USP47: variants seen among roughly 807,000 people sequenced by gnomAD.
USP47 encodes ubiquitin carboxyl-terminal hydrolase 47.
Under a neutral mutation model 165.1 loss-of-function variants are expected in USP47, and 35 were observed. That is an observed-to-expected ratio of 0.21 (90% CI 0.16 to 0.28). The LOEUF is 0.28. USP47 is among the 10% of genes least tolerant of loss of function. The pLI is 1.00. For synonymous variants in USP47, 531 were observed against 544.5 expected, an observed-to-expected ratio of 0.98 and a Z score of 0.35; for missense variants, 1,277 against 1,607.4, an observed-to-expected ratio of 0.79 and a Z score of 3.52.
At chr11:11,896,148 A>C (rs7924430) in intron 4 of USP47, among the ~76,000 whole-genome samples, 5,320 of 152,310 alleles carry the variant, frequency 0.035, 301 homozygotes, top group African/African-American at 0.12. Flanking sequence ...AAAAGATCAT[A>C]GAGTCATATG....
At chr11:11,850,346 G>T (rs1848653984) in intron 1 of USP47, among the ~76,000 whole-genome samples, 1 of 144,280 alleles carries the variant, frequency 6.9e-6, no homozygotes. Context: ...TCTCAACTTT[G>T]TCTTCCAGTT....
intron 8 of USP47, among the ~76,000 whole-genome samples, chr11:11,919,187 T>C (rs1853645476): frequency 1.3e-5 from 2 of 151,996 alleles, no homozygotes; most frequent in African/African-American, 4.8e-5. Context: ...AGTAGTTTTC[T>C]AAGCTTTGCC....
chr11:11,912,730 G>A (rs1034914804), intron 8 of USP47, among the ~76,000 whole-genome samples: 1 of 151,980 alleles, frequency 6.6e-6, no homozygotes, highest in African/African-American at 2.4e-5. Flanking sequence ...AAAAAAAACA[G>A]TATCCCTTAT....
At chr11:11,951,492 G>A (rs1388511043) in intron 24 of USP47, 2 of 152,164 alleles carry the variant, frequency 1.3e-5, no homozygotes, top group African/African-American at 2.4e-5. Context: ...GGTGTTTGGA[G>A]GGAGGCTTAT....
rs907016381 is a variant in USP47 at position 11,960,881 on chromosome 11, C to T, written c.*4706C>T. On this transcript the variant is annotated 3_prime_UTR_variant, in exon 28 of 28. Coordinates refer to ENST00000527733, the MANE Select transcript of USP47 (RefSeq NM_001282659.2). ...GCCTTTTTTCTCTTCCTGTCTTTGT[C>T]CCTCACACTACAGCAGGCCCCTCCC... Among the ~76,000 whole-genome samples the T allele has an allele frequency of 6.6e-6, 1 of 152,160 alleles. No homozygotes were observed. The highest frequency in any genetic ancestry group is 2.4e-5 in the African/African-American group (1 of 41,434).
At chr11:11,898,029 T>G (rs952153482) in intron 5 of USP47, among the ~76,000 whole-genome samples, 2 of 152,058 alleles carry the variant, frequency 1.3e-5, no homozygotes, top group African/African-American at 2.4e-5. Flanking sequence ...AAATCCATAC[T>G]CTCCTTCCAC....
chr11:11,866,400 A>T (rs1289979874), intron 1 of USP47, among the ~76,000 whole-genome samples: 1 of 152,196 alleles, frequency 6.6e-6, no homozygotes, highest in East Asian at 1.9e-4. Context: ...CATATCAGAT[A>T]AGCAAAGTCT....
At chr11:11,888,222 A>G (rs1324932213) in intron 3 of USP47, among the ~76,000 whole-genome samples, 2 of 152,100 alleles carry the variant, frequency 1.3e-5, no homozygotes, top group Non-Finnish European at 2.9e-5. Flanking sequence ...TCAGCACAGA[A>G]ATGAAGGAGA....
At chr11:11,943,388 A>T (rs750885942) in intron 20 of USP47, 1 of 221,244 alleles carries the variant, frequency 4.5e-6, no homozygotes, top group Middle Eastern at 1.5e-3. Flanking sequence ...AAAATTAGGG[A>T]ATATATTAAA....
At position 11,936,390 on chromosome 11, in the gene USP47, GA is replaced by G; in HGVS notation, c.1959del (p.Gly654GlufsTer11). 6.2e-7 allele frequency: 1 copy of G among 1,610,568 alleles called. No individual in the cohort carries two copies. ...EFHDYLERSY[E>X]GEEDTPMGLL... ...TCATGATTATCTAGAACGGTCATATGAAGGAGAAGAAGATACACCAATGGGG... is the reference window on the plus strand; with the variant it reads ...TCATGATTATCTAGAACGGTCATATGAGGAGAAGAAGATACACCAATGGGG... On this transcript the variant is annotated frameshift_variant, in exon 17 of 28. Coordinates refer to ENST00000527733, the MANE Select transcript of USP47 (RefSeq NM_001282659.2). LOFTEE classifies it high-confidence loss of function.
intron 14 of USP47, 115 bp from the exon 15 acceptor site, chr11:11,932,889 A>G (rs1590409037): frequency 2.8e-6 from 2 of 723,586 alleles, no homozygotes; most frequent in African/African-American, 1.8e-5. Context: ...TAATGGAGAT[A>G]TATCTCCATG....
intron 1 of USP47, among the ~76,000 whole-genome samples, chr11:11,862,388 G>T (rs919340001): frequency 6.6e-6 from 1 of 151,298 alleles, no homozygotes; most frequent in Non-Finnish European, 1.5e-5. Context: ...AAGCACAATC[G>T]TGCATAAGAA....
In USP47 at chr11:11,864,771, A is replaced by G. The variant is rs115368495; in HGVS notation, c.40-15406A>G. Reference sequence around the variant, plus strand: ...GAATATAATCTTATTTTTAATGTAAAGTAGATTTTTAGCATTTTTATTTCT... The same window carrying G: ...GAATATAATCTTATTTTTAATGTAAGGTAGATTTTTAGCATTTTTATTTCT... On this transcript the variant is annotated intron_variant, in intron 1 of 27. Transcript: ENST00000527733. 2.3e-3 allele frequency among the ~76,000 whole-genome samples: 347 copies of G among 152,222 alleles called. 3 individuals are homozygous for G. Among genetic ancestry groups the G allele is most frequent in the African/African-American group, 7.7e-3 (322 of 41,572 alleles).
chr11:11,844,961 G>A (rs924587605), intron 1 of USP47, among the ~76,000 whole-genome samples: 1 of 152,156 alleles, frequency 6.6e-6, no homozygotes, highest in Admixed American at 6.5e-5. Flanking sequence ...TCAGTTCACA[G>A]CCTGGTTTTG....
chr11:11,884,482 A>G lies in USP47; in HGVS notation c.259A>G (p.Thr87Ala). The change falls in exon 3 of 28, where the codon ACC becomes GCC. Residue 87 changes from threonine to alanine, a missense_variant. Physicochemically the swap from Thr to Ala is moderately conservative, Grantham distance 58 (BLOSUM62 0). Around this residue, in one of 4 missense-constraint regions of USP47, gnomAD observed 181 missense variants for 194.7 expected, o/e 0.93. Transcript: ENST00000527733. ...ATGTCCATAGGCACCACTGGATCAT[A>G]CCAGTGACAAGTCACTTCTCGACGC... Reference protein sequence around the residue: ...NTADMAPLDHTSDKSLLDANF... With the variant: ...NTADMAPLDHASDKSLLDANF... 1 of 1,606,702 alleles carries G rather than the reference A, an allele frequency of 6.2e-7. No homozygotes were observed. Among genetic ancestry groups the G allele is most frequent in the South Asian group, 1.1e-5 (1 of 89,286 alleles).
At chr11:11,921,911 A>C (rs1031383077) in intron 10 of USP47, among the ~76,000 whole-genome samples, 11 of 151,908 alleles carry the variant, frequency 7.2e-5, no homozygotes, top group Admixed American at 6.6e-4. Flanking sequence ...TGAGAGATGA[A>C]GACTGTATAT....
At chr11:11,945,950 A>AT (rs1205163982) in intron 20 of USP47, among the ~76,000 whole-genome samples, 1 of 108,714 alleles carries the variant, frequency 9.2e-6, no homozygotes, top group African/African-American at 3.3e-5. Flanking sequence ...CAAAAAAAAA[A>AT]GAAAAGAAAA....
In USP47 at chr11:11,922,907, T is replaced by G. The variant is rs767678403; in HGVS notation, c.1386+16T>G. ...ACTTGAAAAGGTACCTTTTATAGTT[T>G]GCATTTTTTAGTTGAAAGTGAGAAT... On this transcript the variant is annotated intron_variant, in intron 11 of 27. Coordinates refer to ENST00000527733, the MANE Select transcript of USP47 (RefSeq NM_001282659.2). 10 of 1,604,344 alleles carry G rather than the reference T, an allele frequency of 6.2e-6. No homozygotes were observed. The South Asian group carries it at 8.9e-5, about 14-fold the overall frequency.
chr11:11,936,379 A>C lies in USP47; in HGVS notation c.1946A>C (p.Glu649Ala). The part of the protein sequence containing the change: ...VKYDEFHDYL[E>A]RSYEGEEDTP... ...TATGATGAGTTTCATGATTATCTAG[A>C]ACGGTCATATGAAGGAGAAGAAGAT... Residue 649 changes from glutamate to alanine, a missense_variant, in exon 17 of 28, where the codon GAA becomes GCA. Glu to Ala is a moderately radical substitution (Grantham distance 107). This residue lies in a region of USP47 where 909 missense variants were observed against 1,068.1 expected (regional missense o/e 0.85). Coordinates refer to ENST00000527733, the MANE Select transcript of USP47 (RefSeq NM_001282659.2). 1 of 1,610,350 alleles carries C rather than the reference A, an allele frequency of 6.2e-7. No homozygotes were observed. Among genetic ancestry groups the C allele is most frequent in the Non-Finnish European group, 8.5e-7 (1 of 1,177,616 alleles).
Sources: allele counts gnomAD v4.1 joint callset (sites outside exome capture counted in the v4.1 genomes callset), GRCh38; gene constraint gnomAD v4.1.1; regional missense constraint gnomAD v4.1.1; transcripts MANE v1.5; gene names NCBI Gene and HGNC (gene_info 2026-07-23, HGNC 2026-07-21).